The following GRK5 variants were observed in gnomAD, a reference collection of about 807,000 sequenced individuals.
The protein encoded by GRK5 is g protein-coupled receptor kinase GRK5.
A neutral mutation model predicts 78.4 loss-of-function variants in GRK5; 40 were observed. The observed-to-expected ratio is 0.51, with a 90% confidence interval of 0.40 to 0.66. The LOEUF (loss-of-function observed/expected upper bound fraction) is 0.66. Ranked by LOEUF, GRK5 falls within the 30% of genes least tolerant of loss-of-function variation. The pLI is 0.00. For missense variants in GRK5, 598 were observed against 759.9 expected, an observed-to-expected ratio of 0.79 and a Z score of 2.50; for synonymous variants, 289 against 296.8, an observed-to-expected ratio of 0.97 and a Z score of 0.27.
At chr10:119,242,986 C>A (rs983906415) in intron 1 of GRK5, among the ~76,000 whole-genome samples, 1 of 152,306 alleles carries the variant, frequency 6.6e-6, no homozygotes, top group East Asian at 1.9e-4. Context: ...CGCCTATAAT[C>A]CCAGCACTTT....
chr10:119,407,899 C>G (rs1441338651), intron 4 of GRK5, among the ~76,000 whole-genome samples: 1 of 152,130 alleles, frequency 6.6e-6, no homozygotes, highest in Admixed American at 6.5e-5. Flanking sequence ...TGTGGTGGCT[C>G]ACGCCTGTAA....
chr10:119,243,443 A>G (rs1849056729), intron 1 of GRK5, among the ~76,000 whole-genome samples: 1 of 152,242 alleles, frequency 6.6e-6, no homozygotes, highest in African/African-American at 2.4e-5. Flanking sequence ...AAACCCTTTG[A>G]CAGCAACTGA....
chr10:119,241,821 A>C (rs1027792314), intron 1 of GRK5, among the ~76,000 whole-genome samples: 1 of 152,208 alleles, frequency 6.6e-6, no homozygotes, highest in African/African-American at 2.4e-5. Flanking sequence ...AACAAGAGAA[A>C]AAATGGATTT....
At chr10:119,442,854 C>T (rs1198368776) in intron 11 of GRK5, among the ~76,000 whole-genome samples, 3 of 152,074 alleles carry the variant, frequency 2.0e-5, no homozygotes, top group Non-Finnish European at 4.4e-5. Context: ...TGTGTGTGCC[C>T]ACATGAATGC....
intron 1 of GRK5, among the ~76,000 whole-genome samples, chr10:119,297,063 G>A (rs935557512): frequency 6.6e-6 from 1 of 152,246 alleles, no homozygotes; most frequent in African/African-American, 2.4e-5. Flanking sequence ...TCAGTGAGGA[G>A]CTTCCAAAGG....
At chr10:119,424,872 C>T (rs1446165918) in intron 5 of GRK5, 121 bp from the exon 6 acceptor site, 2 of 721,530 alleles carry the variant, frequency 2.8e-6, no homozygotes, top group Non-Finnish European at 5.1e-6. Flanking sequence ...GCCAGACGTG[C>T]TGCATCTGCA....
At chr10:119,292,175 C>A (rs191914305) in intron 1 of GRK5, among the ~76,000 whole-genome samples, 9 of 101,876 alleles carry the variant, frequency 8.8e-5, no homozygotes, top group South Asian at 3.6e-4. Context: ...TCCTCCTCCT[C>A]TTCCTCCTCC....
intron 1 of GRK5, among the ~76,000 whole-genome samples, chr10:119,214,545 A>G (rs1012325114): frequency 6.6e-6 from 1 of 152,120 alleles, no homozygotes; most frequent in African/African-American, 2.4e-5. Context: ...TTTTTGAGAC[A>G]GGGTCTTGCT....
rs548378325 is a variant in GRK5, at chr10:119,283,354, T to A, written c.53-43162T>A. Among the ~76,000 whole-genome samples, 9 of 152,286 alleles carry A rather than the reference T, an allele frequency of 5.9e-5. No homozygotes were observed. The South Asian group carries it at 1.7e-3, about 28-fold the overall frequency. On this transcript the variant is annotated intron_variant, in intron 1 of 15. Coordinates refer to ENST00000392870, the MANE Select transcript of GRK5 (RefSeq NM_005308.3). ...GGAGATGAGATGAAGTATTTGACTTTGAGGCTTCTGTGAAAATGAATCCAC... is the reference window on the plus strand; with the variant it reads ...GGAGATGAGATGAAGTATTTGACTTAGAGGCTTCTGTGAAAATGAATCCAC...
chr10:119,453,991 C>A (rs575874429), intron 15 of GRK5, among the ~76,000 whole-genome samples: 10 of 152,288 alleles, frequency 6.6e-5, no homozygotes, highest in African/African-American at 2.2e-4. Flanking sequence ...CCATACACCC[C>A]GTCTTGGCCT....
intron 2 of GRK5, among the ~76,000 whole-genome samples, chr10:119,354,295 G>A (rs1851230844): frequency 6.6e-6 from 1 of 150,636 alleles, no homozygotes; most frequent in Non-Finnish European, 1.5e-5. Context: ...GATTTCCAGT[G>A]TACAGTACGA....
At chr10:119,240,189 CTTTTTTTTTTTT>C (rs55905745) in intron 1 of GRK5, among the ~76,000 whole-genome samples, 14 of 70,098 alleles carry the variant, frequency 2.0e-4, no homozygotes, top group East Asian at 1.5e-3. Flanking sequence ...TGTTTCCCGA[CTTTTTTTTTTTT>C]TTTTTTTTTT....
At chr10:119,323,270 C>T (rs764706380) in intron 1 of GRK5, among the ~76,000 whole-genome samples, 2 of 152,168 alleles carry the variant, frequency 1.3e-5, no homozygotes, top group African/African-American at 2.4e-5. Flanking sequence ...GCAGCTGACT[C>T]GTTCACCTAA....
intron 4 of GRK5, among the ~76,000 whole-genome samples, chr10:119,407,454 A>G (rs1424895461): frequency 6.6e-6 from 1 of 152,222 alleles, no homozygotes; most frequent in Non-Finnish European, 1.5e-5. Context: ...TAAGCCAGTA[A>G]GTGTCTAAAT....
rs531463742 is a variant in GRK5 at position 119,216,038 on chromosome 10, C to T, written c.52+8069C>T. On this transcript the variant is annotated intron_variant, in intron 1 of 15. Transcript: ENST00000392870. ...GTATCCACTTGAAAATGGTTTTCTC[C>T]TTAAAAACTGTTTCTTGTGAGATTT... 3.3e-5 allele frequency among the ~76,000 whole-genome samples: 5 copies of T among 152,274 alleles called. No homozygotes were observed. In the East Asian group the frequency reaches 5.8e-4, roughly 18 times the overall value.
At chr10:119,399,815 C>T (rs1179285336) in intron 4 of GRK5, among the ~76,000 whole-genome samples, 1 of 152,234 alleles carries the variant, frequency 6.6e-6, no homozygotes, top group Non-Finnish European at 1.5e-5. Context: ...CACGCCCACA[C>T]CTCCTTCTGC....
At chr10:119,278,441 G>A (rs576918846) in intron 1 of GRK5, among the ~76,000 whole-genome samples, 2 of 152,198 alleles carry the variant, frequency 1.3e-5, no homozygotes, top group East Asian at 1.9e-4. Flanking sequence ...ATCCAATGTC[G>A]CTGTGTCCCA....
intron 1 of GRK5, among the ~76,000 whole-genome samples, chr10:119,289,928 A>G (rs978274824): frequency 2.0e-5 from 3 of 152,140 alleles, no homozygotes; most frequent in African/African-American, 7.2e-5. Context: ...TTAAAACTTT[A>G]TGGTCAGCTG....
At chr10:119,343,369 G>A (rs1220366746) in intron 2 of GRK5, among the ~76,000 whole-genome samples, 1 of 152,246 alleles carries the variant, frequency 6.6e-6, no homozygotes, top group African/African-American at 2.4e-5. Context: ...ACCAGGCTAT[G>A]TGCTTTGCAG....
Sources: allele counts gnomAD v4.1 joint callset (sites outside exome capture counted in the v4.1 genomes callset), GRCh38; gene constraint gnomAD v4.1.1; transcripts MANE v1.5; gene names NCBI Gene and HGNC (gene_info 2026-07-23, HGNC 2026-07-21).